Variants in SYNPO2 observed in about 807,000 individuals in gnomAD.
The protein encoded by SYNPO2 is synaptopodin 2.
In SYNPO2, 56 loss-of-function variants were observed where a neutral mutation model predicts 85.0. The ratio of observed to expected loss-of-function variants is 0.66; its 90% confidence interval spans 0.53 to 0.82. SYNPO2 has a LOEUF of 0.82. SYNPO2 is among the 40% of genes least tolerant of loss of function. The pLI is 0.00. For missense variants in SYNPO2, 1,575 were observed against 1,534.2 expected (o/e 1.03, Z -0.44); for synonymous variants, 602 against 591.1 (o/e 1.02, Z -0.27).
At chr4:118,902,139 C>T (rs1265051113) in intron 1 of SYNPO2, among the ~76,000 whole-genome samples, 1 of 152,188 alleles carries the variant, frequency 6.6e-6, no homozygotes, top group African/African-American at 2.4e-5. Context: ...CTCCTGGGAA[C>T]TCTGGCCATG....
chr4:118,909,082 A>G (rs1733045741), intron 1 of SYNPO2, among the ~76,000 whole-genome samples: 1 of 152,130 alleles, frequency 6.6e-6, no homozygotes, highest in Admixed American at 6.6e-5. Flanking sequence ...TGGAGTCCAG[A>G]TTCATGGGAG....
intron 1 of SYNPO2, among the ~76,000 whole-genome samples, chr4:118,993,920 C>T (rs1736495191): frequency 6.6e-6 from 1 of 152,184 alleles, no homozygotes; most frequent in African/African-American, 2.4e-5. Context: ...AATGCTTTGC[C>T]TAGTCTTACC....
intron 1 of SYNPO2, among the ~76,000 whole-genome samples, chr4:119,002,462 T>C (rs889467265): frequency 1.3e-5 from 2 of 152,158 alleles, no homozygotes; most frequent in African/African-American, 4.8e-5. Context: ...GGTTTCACCA[T>C]GTTGGCCAGG....
chr4:119,054,712 C>T (rs1275321665), intron 4 of SYNPO2, among the ~76,000 whole-genome samples: 1 of 152,104 alleles, frequency 6.6e-6, no homozygotes, highest in Non-Finnish European at 1.5e-5. Flanking sequence ...GAAAAAGCAA[C>T]ATTCCACTGG....
At position 119,031,538 on chromosome 4, in the gene SYNPO2, T is replaced by C. The variant is rs1307321358; in HGVS notation, c.2763T>C (p.Pro921=). ...WKYSSNVRAP[P]PVAYNPIHSP... ...ACTCCTCCAATGTCCGAGCACCTCCTCCTGTGGCCTATAATCCTATCCACT... is the reference window on the plus strand; with the variant it reads ...ACTCCTCCAATGTCCGAGCACCTCCCCCTGTGGCCTATAATCCTATCCACT... Residue 921 remains proline, a synonymous_variant, in exon 4 of 5, where the codon CCT becomes CCC. Coordinates refer to ENST00000307142, the MANE Select transcript of SYNPO2 (RefSeq NM_133477.3). The C allele has an allele frequency of 1.2e-6, 2 of 1,614,094 alleles. No homozygotes were observed. Among genetic ancestry groups the C allele is most frequent in the Non-Finnish European group, 1.7e-6 (2 of 1,180,012 alleles).
intron 1 of SYNPO2, among the ~76,000 whole-genome samples, chr4:118,877,436 G>A (rs1731946698): frequency 1.3e-5 from 2 of 152,124 alleles, no homozygotes; most frequent in South Asian, 4.2e-4. Flanking sequence ...CTACAGAATG[G>A]GAGAAAATAT....
At chr4:119,036,276 AG>A (rs1738506857) in intron 4 of SYNPO2, 2 of 985,414 alleles carry the variant, frequency 2.0e-6, no homozygotes, top group Non-Finnish European at 2.4e-6. Context: ...CTTTAAAATC[AG>A]GGTTGTTGAG....
At chr4:118,997,287 C>T (rs76987251) in intron 1 of SYNPO2, among the ~76,000 whole-genome samples, 26,226 of 144,786 alleles carry the variant, frequency 0.18, 2,727 homozygotes, top group South Asian at 0.28. Flanking sequence ...GGTAGGGAAA[C>T]ATTGATTGAC....
At chr4:118,909,824 C>T (rs574232447) in intron 1 of SYNPO2, among the ~76,000 whole-genome samples, 36 of 152,266 alleles carry the variant, frequency 2.4e-4, no homozygotes, top group African/African-American at 8.4e-4. Flanking sequence ...AGCCTGAGTC[C>T]ATATCTCTGA....
At chr4:119,023,366 G>T in intron 1 of SYNPO2, 64 bp from the exon 2 acceptor site, 1 of 1,500,508 alleles carries the variant, frequency 6.7e-7, no homozygotes, top group South Asian at 1.3e-5. Flanking sequence ...GTTTCTCAGA[G>T]ATGGTGGCTT....
intron 1 of SYNPO2, among the ~76,000 whole-genome samples, chr4:119,013,566 G>A (rs1391547915): frequency 6.6e-6 from 1 of 152,162 alleles, no homozygotes; most frequent in Non-Finnish European, 1.5e-5. Flanking sequence ...AAGTCAACCT[G>A]CCCATTTAAG....
rs753768167 is a variant in SYNPO2, at chr4:119,026,984, G to T, written c.615G>T (p.Gln205His). 63 of 1,614,072 alleles carry T rather than the reference G, an allele frequency of 3.9e-5. No individual in the cohort carries two copies. Among genetic ancestry groups the T allele is most frequent in the Non-Finnish European group, 5.1e-5 (60 of 1,180,048 alleles). The change falls in exon 3 of 5, where the codon CAG becomes CAT. Residue 205 changes from glutamine to histidine, a missense_variant. Around this residue, in one of 3 missense-constraint regions of SYNPO2, gnomAD observed 1,508 missense variants for 1,446.8 expected, o/e 1.04. Coordinates refer to ENST00000307142, the MANE Select transcript of SYNPO2 (RefSeq NM_133477.3). ...PVVELQLSLS[Q>H]ERHKGASGPL... ...TTGAGCTGCAACTGTCCCTTTCACAGGAGAGACATAAGGGCGCTAGTGGCC... is the reference window on the plus strand; with the variant it reads ...TTGAGCTGCAACTGTCCCTTTCACATGAGAGACATAAGGGCGCTAGTGGCC...
In SYNPO2 at chr4:119,031,206, C is replaced by G. The variant is rs761461634; in HGVS notation, c.2431C>G (p.Pro811Ala). The G allele has an allele frequency of 6.2e-7, 1 of 1,614,164 alleles. No homozygotes were observed. Among genetic ancestry groups the G allele is most frequent in the South Asian group, 1.1e-5 (1 of 91,080 alleles). Residue 811 changes from proline to alanine, a missense_variant, in exon 4 of 5, where the codon CCT becomes GCT. Around this residue, in one of 3 missense-constraint regions of SYNPO2, gnomAD observed 1,508 missense variants for 1,446.8 expected, o/e 1.04. Transcript: ENST00000307142. ...TVVSSIKIAQ[P>A]SYPPARPAST... The stretch of plus-strand genomic sequence containing the variant: ...TGTCTCCTCCATCAAAATAGCCCAG[C>G]CTTCTTACCCTCCTGCCCGGCCTGC...
chr4:118,899,020 C>T (rs1044541955), intron 1 of SYNPO2, among the ~76,000 whole-genome samples: 12 of 152,170 alleles, frequency 7.9e-5, no homozygotes, highest in African/African-American at 2.4e-4. Flanking sequence ...ATTGTCTAGT[C>T]GGAGGGGAGC....
chr4:118,987,341 G>A (rs1283787856), intron 1 of SYNPO2, among the ~76,000 whole-genome samples: 1 of 152,140 alleles, frequency 6.6e-6, no homozygotes, highest in African/African-American at 2.4e-5. Flanking sequence ...TGTTGCATTA[G>A]TTATTCTTAA....
chr4:118,903,735 C>T (rs1006088698), intron 1 of SYNPO2, among the ~76,000 whole-genome samples: 4 of 149,682 alleles, frequency 2.7e-5, no homozygotes, highest in South Asian at 2.1e-4. Flanking sequence ...TTTTTTTAGA[C>T]GGAATCTCAC....
At position 119,030,870 on chromosome 4, in the gene SYNPO2, T is replaced by C. The variant is rs1738211203; in HGVS notation, c.2095T>C (p.Phe699Leu). 1 of 1,614,010 alleles carries C rather than the reference T, an allele frequency of 6.2e-7. No individual in the cohort carries two copies. The highest frequency in any genetic ancestry group is 1.1e-5 in the South Asian group (1 of 91,074). Reference protein sequence around the residue: ...RRSTTKPMFTFKEPKVSPNPE... With the variant: ...RRSTTKPMFTLKEPKVSPNPE... Reference sequence around the variant, plus strand: ...AAGCACGACAAAACCCATGTTTACTTTTAAAGAGCCCAAAGTAAGCCCAAA... The same window carrying C: ...AAGCACGACAAAACCCATGTTTACTCTTAAAGAGCCCAAAGTAAGCCCAAA... Residue 699 changes from phenylalanine (F) to leucine (L), a missense_variant, in exon 4 of 5, where the codon TTT becomes CTT. Around this residue, in one of 3 missense-constraint regions of SYNPO2, gnomAD observed 1,508 missense variants for 1,446.8 expected, o/e 1.04. Transcript: ENST00000307142.
intron 1 of SYNPO2, among the ~76,000 whole-genome samples, chr4:118,906,070 T>C (rs566750820): frequency 1.7e-4 from 26 of 152,296 alleles, no homozygotes; most frequent in African/African-American, 6.0e-4. Context: ...ATATGCCACA[T>C]AACATGTATA....
intron 1 of SYNPO2, among the ~76,000 whole-genome samples, chr4:119,002,977 G>A (rs1736879857): frequency 6.6e-6 from 1 of 151,994 alleles, no homozygotes; most frequent in South Asian, 2.1e-4. Flanking sequence ...TTTGTTTTCT[G>A]TTTTCTCATT....
Sources: gnomAD v4.1 joint callset for allele counts (sites outside exome capture counted in the v4.1 genomes callset) on GRCh38, gnomAD v4.1.1 for gene constraint, gnomAD v4.1.1 regional missense constraint, MANE v1.5 for transcripts, NCBI Gene and HGNC (gene_info 2026-07-23, HGNC 2026-07-21) for gene names.